The following NCALD variants were observed in gnomAD, a reference collection of about 807,000 sequenced individuals.
NCALD encodes neurocalcin delta.
In NCALD, 10 loss-of-function variants were observed where a neutral mutation model predicts 18.6. The ratio of observed to expected loss-of-function variants is 0.54; its 90% confidence interval spans 0.33 to 0.91. The LOEUF is 0.91. NCALD is among the 40% of genes least tolerant of loss of function. The pLI, the probability that NCALD is intolerant of heterozygous loss-of-function variation, is 0.03. For synonymous variants in NCALD, 88 were observed against 87.4 expected, an observed-to-expected ratio of 1.01 and a Z score of -0.04; for missense variants, 184 against 247.6, an observed-to-expected ratio of 0.74 and a Z score of 1.72.
chr8:101,784,142 G>C (rs1413971691), intron 1 of NCALD, among the ~76,000 whole-genome samples: 10 of 152,124 alleles, frequency 6.6e-5, no homozygotes, highest in East Asian at 1.9e-4. Context: ...GGCATCAGGA[G>C]GGGGAAGGAA....
chr8:101,982,007 T>A (rs1820636714), intron 2 of NCALD, among the ~76,000 whole-genome samples: 1 of 152,108 alleles, frequency 6.6e-6, no homozygotes. Flanking sequence ...TCACGTGAGA[T>A]CTGATTGTTG....
chr8:101,746,638 GCTTC>G (rs970412613), intron 1 of NCALD, among the ~76,000 whole-genome samples: 2 of 151,898 alleles, frequency 1.3e-5, no homozygotes, highest in South Asian at 2.1e-4. Flanking sequence ...TGCAAAATGA[GCTTC>G]CTTGTTTTTT....
chr8:102,046,306 G>T (rs372007046), intron 1 of NCALD, among the ~76,000 whole-genome samples: 2 of 152,042 alleles, frequency 1.3e-5, no homozygotes, highest in East Asian at 3.9e-4. Flanking sequence ...ATATGTTTAA[G>T]CTTCTCTGGC....
At chr8:101,733,753 A>G (rs1169580759) in intron 1 of NCALD, among the ~76,000 whole-genome samples, 6 of 151,924 alleles carry the variant, frequency 3.9e-5, no homozygotes, top group Admixed American at 6.6e-5. Flanking sequence ...TTCCAGCCCG[A>G]CTCCCCTCCT....
chr8:101,956,653 G>A (rs562911591), intron 2 of NCALD, among the ~76,000 whole-genome samples: 13 of 152,044 alleles, frequency 8.6e-5, no homozygotes, highest in African/African-American at 3.1e-4. Flanking sequence ...CAGAGAGAGA[G>A]ACTATCTACT....
intron 1 of NCALD, among the ~76,000 whole-genome samples, chr8:102,068,224 G>A (rs1461299008): frequency 1.3e-5 from 2 of 152,146 alleles, no homozygotes; most frequent in African/African-American, 4.8e-5. Context: ...GAGTGATCAG[G>A]GAGATCTCGC....
intron 1 of NCALD, among the ~76,000 whole-genome samples, chr8:102,098,192 A>AGACTGATC (rs1190158253): frequency 2.0e-5 from 3 of 150,836 alleles, no homozygotes; most frequent in Non-Finnish European, 4.4e-5. Flanking sequence ...AGATCCCTGG[A>AGACTGATC]GACTGATCTT....
At chr8:101,882,422 C>G (rs1362385266) in intron 4 of NCALD, among the ~76,000 whole-genome samples, 1 of 152,154 alleles carries the variant, frequency 6.6e-6, no homozygotes, top group South Asian at 2.1e-4. Flanking sequence ...CGAGAAGGCA[C>G]CATCTACGAA....
intron 2 of NCALD, among the ~76,000 whole-genome samples, chr8:102,013,280 A>G (rs1223716653): frequency 6.6e-6 from 1 of 152,182 alleles, no homozygotes; most frequent in Non-Finnish European, 1.5e-5. Flanking sequence ...TCCATGAAAG[A>G]AGATCTCAGC....
In NCALD at chr8:101,983,771, G is replaced by C. The variant is rs1586869064; in HGVS notation, c.-157+36466C>G. Among the ~76,000 whole-genome samples, 12 of 152,272 alleles carry C rather than the reference G, an allele frequency of 7.9e-5. No homozygotes were observed. The South Asian group carries it at 2.3e-3, about 29-fold the overall frequency. ...AATGGAACTCCTTGGCAGGTGATCA[G>C]AAAGAAGAGGAACTGATGGGTTTAC... is the stretch of plus-strand genomic sequence containing the variant. On this transcript the variant is annotated intron_variant, in intron 2 of 6. Transcript: ENST00000311028.
At chr8:101,964,461 A>T (rs1819949701) in intron 2 of NCALD, among the ~76,000 whole-genome samples, 2 of 152,154 alleles carry the variant, frequency 1.3e-5, no homozygotes, top group Admixed American at 1.3e-4. Flanking sequence ...GTAGCCTTCC[A>T]TCTTGTGGCT....
At chr8:101,734,282 C>A (rs1304119290) in intron 1 of NCALD, among the ~76,000 whole-genome samples, 1 of 152,216 alleles carries the variant, frequency 6.6e-6, no homozygotes, top group Admixed American at 6.5e-5. Context: ...ACTCACCCTG[C>A]AGATCTCACT....
Position 101,820,844 on chromosome 8 carries a change from A to G in NCALD, c.-20+66297T>C, listed in dbSNP as rs571567721. ...TGCAGGCAATATTTGCGTTAGCTAC[A>G]TTGGCAACCATCTTCTAGTGCTTTC... On this transcript the variant is annotated intron_variant, in intron 4 of 6. Transcript: ENST00000311028. Among the ~76,000 whole-genome samples the G allele has an allele frequency of 5.3e-5, 8 of 152,356 alleles. No homozygotes were observed. The East Asian group carries it at 1.5e-3, about 29-fold the overall frequency.
chr8:101,707,157 G>A (rs1815567378), intron 2 of NCALD, among the ~76,000 whole-genome samples: 1 of 152,112 alleles, frequency 6.6e-6, no homozygotes, highest in Admixed American at 6.5e-5. Context: ...GAAGACCACA[G>A]TGTTTCAGGT....
chr8:101,885,990 T>G (rs1816661733), intron 4 of NCALD, among the ~76,000 whole-genome samples: 1 of 152,192 alleles, frequency 6.6e-6, no homozygotes, highest in Non-Finnish European at 1.5e-5. Flanking sequence ...CTTCCCAGAC[T>G]GCCTGATCAT....
intron 4 of NCALD, among the ~76,000 whole-genome samples, chr8:101,809,741 C>T (rs1813237704): frequency 6.6e-6 from 1 of 152,078 alleles, no homozygotes; most frequent in Non-Finnish European, 1.5e-5. Context: ...GACGGGGTTT[C>T]ACCATGTTGG....
At chr8:101,954,139 C>G (rs529393480) in intron 2 of NCALD, among the ~76,000 whole-genome samples, 1 of 152,128 alleles carries the variant, frequency 6.6e-6, no homozygotes, top group Non-Finnish European at 1.5e-5. Context: ...GGGTATGGGC[C>G]GTCCTATGGC....
chr8:101,691,848 T>C, intron 3 of NCALD: 1 of 985,424 alleles, frequency 1.0e-6, no homozygotes, highest in Non-Finnish European at 1.2e-6. Context: ...GGGACCCAAG[T>C]GCCTGTGCAC....
chr8:102,110,697 G>T (rs763858295), intron 1 of NCALD, among the ~76,000 whole-genome samples: 18 of 152,172 alleles, frequency 1.2e-4, no homozygotes, highest in Non-Finnish European at 2.2e-4. Flanking sequence ...TGCTAAAAAT[G>T]TGTTAAGACT....
Sources: gnomAD v4.1 joint callset for allele counts (sites outside exome capture counted in the v4.1 genomes callset) on GRCh38, gnomAD v4.1.1 for gene constraint, MANE v1.5 for transcripts, NCBI Gene and HGNC (gene_info 2026-07-23, HGNC 2026-07-21) for gene names.